The following HTR2C variants were observed in gnomAD, a reference collection of about 807,000 sequenced individuals.
The protein encoded by HTR2C is 5-hydroxytryptamine receptor 2C.
A neutral mutation model predicts 21.0 loss-of-function variants in HTR2C; 5 were observed. The ratio of observed to expected loss-of-function variants is 0.24; its 90% CI spans 0.12 to 0.50. The LOEUF is 0.50. Among genes scored for constraint, HTR2C ranks in the 20% least tolerant of loss-of-function variants. HTR2C has a pLI of 0.98. For synonymous variants in HTR2C, 150 were observed against 145.3 expected (o/e 1.03, Z -0.23); for missense variants, 271 against 371.2 (o/e 0.73, Z 2.22).
intron 3 of HTR2C, among the ~76,000 whole-genome samples, chrX:114,727,961 G>A (rs982982960): frequency 9.0e-6 from 1 of 111,517 alleles, no homozygotes; most frequent in Non-Finnish European, 1.9e-5. Context: ...CCTGCTCCAT[G>A]GGCCTGTGCC....
rs1556488068 is a variant in HTR2C, at chrX:114,909,131, A to G, written c.*1716A>G. On this transcript the variant is annotated 3_prime_UTR_variant, in exon 6 of 6. Transcript: ENST00000276198. ...ATTTGAGGAAACTCATACAGTCTCT[A>G]TTTGATTTGCAACACTGCCAAACAT... is the stretch of plus-strand genomic sequence containing the variant. 8.9e-6 allele frequency: 1 copy of G among 112,810 alleles called. No homozygotes were observed. The highest frequency in any genetic ancestry group is 2.8e-4 in the East Asian group (1 of 3,589). 9.3% of individuals were successfully genotyped at this position (112,810 alleles called of 1,213,427 possible).
intron 2 of HTR2C, among the ~76,000 whole-genome samples, chrX:114,694,615 G>T (rs1328197752): frequency 9.2e-6 from 1 of 109,138 alleles, no homozygotes; most frequent in African/African-American, 3.4e-5. Context: ...AGCCTCCTGA[G>T]TAGAGTAGCT....
At chrX:114,727,337 T>C (rs1040739564) in intron 3 of HTR2C, among the ~76,000 whole-genome samples, 7 of 111,740 alleles carry the variant, frequency 6.3e-5, no homozygotes, top group African/African-American at 2.3e-4. Context: ...GAAATGCCTC[T>C]GGTTTTGTGA....
intron 4 of HTR2C, among the ~76,000 whole-genome samples, chrX:114,764,113 C>T (rs184210682): frequency 3.2e-4 from 36 of 111,735 alleles, no homozygotes; most frequent in Admixed American, 3.1e-3. Context: ...AAATGTACAA[C>T]TTTGGCTGGG....
intron 2 of HTR2C, among the ~76,000 whole-genome samples, chrX:114,701,080 C>A (rs182136344): frequency 0.019 from 2,141 of 112,236 alleles, 15 homozygotes; most frequent in Non-Finnish European, 0.028. Flanking sequence ...GTGGAACCCA[C>A]CACAGCTCAA....
At chrX:114,874,549 C>T (rs1435713047) in intron 5 of HTR2C, among the ~76,000 whole-genome samples, 1 of 109,926 alleles carries the variant, frequency 9.1e-6, no homozygotes, top group Non-Finnish European at 1.9e-5. Context: ...CGTTCTGTTA[C>T]CCAGACAGGG....
At chrX:114,676,448 T>G (rs1449531902) in intron 2 of HTR2C, among the ~76,000 whole-genome samples, 1 of 106,102 alleles carries the variant, frequency 9.4e-6, no homozygotes, top group Non-Finnish European at 2.0e-5. Flanking sequence ...CTTTCTGAGG[T>G]AAAAAAAAAA....
At chrX:114,638,762 G>A (rs1029604495) in intron 2 of HTR2C, among the ~76,000 whole-genome samples, 1 of 96,544 alleles carries the variant, frequency 1.0e-5, no homozygotes, top group East Asian at 3.4e-4. Flanking sequence ...ACCTATGAGT[G>A]AGAACATGCA....
intron 5 of HTR2C, among the ~76,000 whole-genome samples, chrX:114,886,980 G>A (rs1602916059): frequency 9.0e-6 from 1 of 111,634 alleles, no homozygotes; most frequent in African/African-American, 3.2e-5. Flanking sequence ...ACCAAGAGAA[G>A]CTCTCTAAAA....
intron 2 of HTR2C, among the ~76,000 whole-genome samples, chrX:114,714,954 TATTC>T (rs1366939931): frequency 8.9e-6 from 1 of 112,218 alleles, no homozygotes; most frequent in Admixed American, 9.5e-5. Flanking sequence ...TTATATAAAT[TATTC>T]ATTATGCAAA....
intron 4 of HTR2C, among the ~76,000 whole-genome samples, chrX:114,756,178 G>T (rs1433264162): frequency 1.8e-5 from 2 of 111,331 alleles, no homozygotes; most frequent in African/African-American, 6.5e-5. Flanking sequence ...AGAATGGCTA[G>T]AATAAAAAAT....
chrX:114,619,657 G>A (rs1407437716), intron 2 of HTR2C, among the ~76,000 whole-genome samples: 3 of 110,832 alleles, frequency 2.7e-5, no homozygotes, highest in Non-Finnish European at 5.7e-5. Flanking sequence ...ATCAAAACAC[G>A]AGCTTAAAGG....
intron 2 of HTR2C, among the ~76,000 whole-genome samples, chrX:114,697,058 A>G (rs880003561): frequency 7.1e-5 from 8 of 112,023 alleles, no homozygotes; most frequent in Admixed American, 6.7e-4. Flanking sequence ...CAGTGTTTCA[A>G]TAACAATTAC....
intron 1 of HTR2C, among the ~76,000 whole-genome samples, chrX:114,601,163 A>T (rs1472578340): frequency 9.0e-6 from 1 of 111,047 alleles, no homozygotes; most frequent in East Asian, 2.8e-4. Flanking sequence ...CTTTTTTTTT[A>T]GGAAAATCAC....
intron 2 of HTR2C, among the ~76,000 whole-genome samples, chrX:114,712,482 A>C (rs1489051694): frequency 1.8e-5 from 2 of 112,370 alleles, no homozygotes; most frequent in East Asian, 5.6e-4. Context: ...ATTTACAGAG[A>C]AACTCATAAC....
chrX:114,886,531 C>T (rs2071221399), intron 5 of HTR2C, among the ~76,000 whole-genome samples: 1 of 110,379 alleles, frequency 9.1e-6, no homozygotes, highest in Non-Finnish European at 1.9e-5. Context: ...AACTCTAGGG[C>T]TTACCATATA....
intron 2 of HTR2C, among the ~76,000 whole-genome samples, chrX:114,662,091 T>A (rs934271331): frequency 6.3e-5 from 7 of 111,750 alleles, no homozygotes; most frequent in Non-Finnish European, 9.4e-5. Context: ...AATGCTGAAG[T>A]AAAATAATGG....
intron 5 of HTR2C, among the ~76,000 whole-genome samples, chrX:114,869,723 G>A (rs1160728363): frequency 1.8e-5 from 2 of 111,858 alleles, no homozygotes; most frequent in African/African-American, 6.5e-5. Flanking sequence ...GTGACAGTGG[G>A]CATCCTTGTT....
chrX:114,838,687 C>T (rs782029824), intron 4 of HTR2C, among the ~76,000 whole-genome samples: 8 of 112,039 alleles, frequency 7.1e-5, no homozygotes, highest in African/African-American at 2.6e-4. Flanking sequence ...GATTTCATTT[C>T]ACTCAACTAT....
Sources: gnomAD v4.1 joint callset for allele counts (sites outside exome capture counted in the v4.1 genomes callset) on GRCh38, gnomAD v4.1.1 for gene constraint, MANE v1.5 for transcripts, NCBI Gene and HGNC (gene_info 2026-07-23, HGNC 2026-07-21) for gene names.